NRG3: variants seen among roughly 807,000 people sequenced by gnomAD.
The protein encoded by NRG3 is neuregulin 3.
A neutral mutation model predicts 66.9 loss-of-function variants in NRG3; 31 were observed. The ratio of observed to expected loss-of-function variants is 0.46; its 90% CI spans 0.35 to 0.63. NRG3 has a LOEUF of 0.63. NRG3 is among the 20% of genes least tolerant of loss of function. The pLI is 0.00. For missense variants in NRG3, 910 were observed against 878.9 expected, an observed-to-expected ratio of 1.04 and a Z score of -0.45; for synonymous variants, 393 against 359.4, an observed-to-expected ratio of 1.09 and a Z score of -1.06.
intron 7 of NRG3, among the ~76,000 whole-genome samples, chr10:82,976,834 C>G (rs975778849): frequency 6.6e-6 from 1 of 152,044 alleles, no homozygotes; most frequent in Admixed American, 6.6e-5. Context: ...GCCTGCAGTG[C>G]GGCCCCCTCC....
At chr10:82,310,182 C>CTGCAATATCATT (rs2080949710) in intron 1 of NRG3, among the ~76,000 whole-genome samples, 1 of 152,160 alleles carries the variant, frequency 6.6e-6, no homozygotes, top group African/African-American at 2.4e-5. Context: ...CGCGACATTG[C>CTGCAATATCATT]TGCAATATCA....
chr10:82,955,672 C>A (rs1230803036), intron 5 of NRG3, among the ~76,000 whole-genome samples: 4 of 151,854 alleles, frequency 2.6e-5, no homozygotes, highest in Admixed American at 2.6e-4. Context: ...GACACGGTAA[C>A]AACCTGCCCC....
At chr10:82,336,625 C>T (rs746651929) in intron 1 of NRG3, among the ~76,000 whole-genome samples, 15 of 151,302 alleles carry the variant, frequency 9.9e-5, no homozygotes, top group East Asian at 5.9e-4. Flanking sequence ...CTGGTTCAAG[C>T]GATTCTCCTG....
intron 2 of NRG3, among the ~76,000 whole-genome samples, chr10:82,414,066 G>T (rs2088334208): frequency 6.6e-6 from 1 of 151,980 alleles, no homozygotes; most frequent in Non-Finnish European, 1.5e-5. Flanking sequence ...CTTTTCCTTT[G>T]CATTCACAAC....
intron 1 of NRG3, among the ~76,000 whole-genome samples, chr10:82,108,186 C>A (rs148781693): frequency 6.6e-6 from 1 of 152,176 alleles, no homozygotes; most frequent in Non-Finnish European, 1.5e-5. Flanking sequence ...AAACATCTGG[C>A]TATTACAGAT....
chr10:82,637,120 A>G (rs1222154690), intron 2 of NRG3, among the ~76,000 whole-genome samples: 2 of 152,188 alleles, frequency 1.3e-5, no homozygotes, highest in Non-Finnish European at 2.9e-5. Flanking sequence ...TCATGATAGT[A>G]ACTGTTATAC....
chr10:82,087,365 A>G (rs1243639815), intron 1 of NRG3, among the ~76,000 whole-genome samples: 1 of 152,062 alleles, frequency 6.6e-6, no homozygotes, highest in Admixed American at 6.5e-5. Flanking sequence ...TTTCCTGACC[A>G]CACCAGTATC....
At chr10:82,614,724 A>G (rs2048528392) in intron 2 of NRG3, among the ~76,000 whole-genome samples, 2 of 152,144 alleles carry the variant, frequency 1.3e-5, no homozygotes, top group African/African-American at 4.8e-5. Flanking sequence ...ACTGCTCTAG[A>G]AACACTTGTT....
intron 2 of NRG3, among the ~76,000 whole-genome samples, chr10:82,660,399 C>T (rs2052264018): frequency 6.6e-6 from 1 of 151,994 alleles, no homozygotes; most frequent in Non-Finnish European, 1.5e-5. Context: ...AGCTGAATCT[C>T]TGTAGTCATG....
chr10:82,921,041 A>G (rs1846372630), intron 4 of NRG3, among the ~76,000 whole-genome samples: 1 of 152,088 alleles, frequency 6.6e-6, no homozygotes, highest in Non-Finnish European at 1.5e-5. Context: ...TCTTCCAGAG[A>G]GCAGTGTATG....
rs143275279 is a variant in NRG3 at position 82,985,339 on chromosome 10, G to T, written c.1825G>T (p.Val609Phe). Reference protein sequence around the residue: ...KWCKNSYSADVVNVSIPVSDC... With the variant: ...KWCKNSYSADFVNVSIPVSDC... ...GTGCAAAAACTCCTATTCAGCTGAC[G>T]TTGTCAATGTGAGTATTCCAGTCAG... Residue 609 changes from valine (V) to phenylalanine (F), a missense_variant, in exon 9 of 9, where the codon GTT becomes TTT. Coordinates refer to ENST00000372141, the MANE Select transcript of NRG3 (RefSeq NM_001010848.4). The T allele has an allele frequency of 8.7e-6, 14 of 1,614,006 alleles. No individual in the cohort carries two copies. The East Asian group carries it at 3.1e-4, about 36-fold the overall frequency.
At chr10:82,138,799 G>A (rs1296217613) in intron 1 of NRG3, among the ~76,000 whole-genome samples, 2 of 152,084 alleles carry the variant, frequency 1.3e-5, no homozygotes, top group African/African-American at 4.8e-5. Context: ...AATGTTCAAG[G>A]GCAGGAAGCA....
intron 2 of NRG3, among the ~76,000 whole-genome samples, chr10:82,363,287 A>G (rs1390403533): frequency 1.3e-5 from 2 of 152,166 alleles, no homozygotes; most frequent in Non-Finnish European, 2.9e-5. Context: ...TTTTTTTCCT[A>G]TCCTTTATTT....
chr10:82,910,718 T>C (rs1016225628), intron 4 of NRG3, among the ~76,000 whole-genome samples: 5 of 152,266 alleles, frequency 3.3e-5, no homozygotes, highest in African/African-American at 1.2e-4. Flanking sequence ...AAATATGACT[T>C]CATTAATTTG....
At chr10:82,081,900 G>A (rs909803776) in intron 1 of NRG3, among the ~76,000 whole-genome samples, 1 of 152,136 alleles carries the variant, frequency 6.6e-6, no homozygotes, top group Non-Finnish European at 1.5e-5. Context: ...TGCACCTATA[G>A]TCCCAAATGC....
chr10:82,670,225 G>T (rs921539495), intron 2 of NRG3, among the ~76,000 whole-genome samples: 3 of 151,448 alleles, frequency 2.0e-5, no homozygotes, highest in South Asian at 4.2e-4. Context: ...CCCTCTCTTT[G>T]TCTCTTTGCC....
chr10:81,961,525 C>T (rs190738332), intron 1 of NRG3, among the ~76,000 whole-genome samples: 50 of 152,302 alleles, frequency 3.3e-4, no homozygotes, highest in Non-Finnish European at 6.5e-4. Flanking sequence ...TTGCACTTCA[C>T]ACATCTCTCA....
chr10:82,828,989 A>C (rs2062383020), intron 3 of NRG3, among the ~76,000 whole-genome samples: 1 of 152,174 alleles, frequency 6.6e-6, no homozygotes, highest in Non-Finnish European at 1.5e-5. Context: ...TCCTCAGAGA[A>C]AATGAGTTTT....
intron 3 of NRG3, among the ~76,000 whole-genome samples, chr10:82,824,174 T>G (rs1397052995): frequency 1.3e-5 from 2 of 152,236 alleles, no homozygotes; most frequent in Non-Finnish European, 2.9e-5. Context: ...GCATAAACTT[T>G]TCAAGGTTCT....
Sources: gnomAD v4.1 joint callset for allele counts (sites outside exome capture counted in the v4.1 genomes callset) on GRCh38, gnomAD v4.1.1 for gene constraint, MANE v1.5 for transcripts, NCBI Gene and HGNC (gene_info 2026-07-23, HGNC 2026-07-21) for gene names.